Variants in ZNF385D observed in about 807,000 individuals in gnomAD.
ZNF385D encodes zinc finger protein 385D, also known as zinc finger protein 659.
A neutral mutation model predicts 35.8 loss-of-function variants in ZNF385D; 15 were observed. The observed-to-expected ratio is 0.42, with a 90% CI of 0.28 to 0.64. ZNF385D has a LOEUF of 0.64. Among genes scored for constraint, ZNF385D ranks in the 30% least tolerant of loss-of-function variants. ZNF385D has a pLI of 0.23. For missense variants in ZNF385D, 474 were observed against 494.6 expected, an observed-to-expected ratio of 0.96 and a Z score of 0.39; for synonymous variants, 212 against 186.8, an observed-to-expected ratio of 1.13 and a Z score of -1.10.
intron 3 of ZNF385D, among the ~76,000 whole-genome samples, chr3:21,966,408 G>C (rs1169964377): frequency 1.3e-5 from 2 of 152,198 alleles, no homozygotes; most frequent in African/African-American, 4.8e-5. Flanking sequence ...GGCTGGTAAA[G>C]ACGCATTTGT....
chr3:21,443,053 C>T (rs1701948878), intron 4 of ZNF385D: 1 of 877,896 alleles, frequency 1.1e-6, no homozygotes, highest in Non-Finnish European at 1.4e-6. Context: ...GCTCTGAATT[C>T]CTCACTCCCG....
At chr3:21,608,790 G>C (rs2064575493) in intron 2 of ZNF385D, among the ~76,000 whole-genome samples, 1 of 152,158 alleles carries the variant, frequency 6.6e-6, no homozygotes, top group Non-Finnish European at 1.5e-5. Flanking sequence ...TCCCAATCCA[G>C]TTGTGAAATA....
In ZNF385D at chr3:22,364,536, A is replaced by G. The variant is rs185575707; in HGVS notation, c.106+7914T>C. Among the ~76,000 whole-genome samples, 280 of 152,238 alleles carry G rather than the reference A, an allele frequency of 1.8e-3. 5 individuals carry two copies. The South Asian group carries it at 0.032, about 17-fold the overall frequency. On this transcript the variant is annotated intron_variant, in intron 2 of 5. Coordinates refer to the ZNF385D transcript ENST00000494108. ...CTAATCATTAGGAAAATATAAATCA[A>G]AACTACAATTAGATACCACTTCACC...
chr3:22,088,563 G>T (rs1701163205), intron 3 of ZNF385D, among the ~76,000 whole-genome samples: 1 of 152,154 alleles, frequency 6.6e-6, no homozygotes, highest in South Asian at 2.1e-4. Flanking sequence ...GTACTCCTGA[G>T]TATGGACACC....
chr3:22,295,581 A>G (rs1702528907), intron 2 of ZNF385D, among the ~76,000 whole-genome samples: 1 of 152,180 alleles, frequency 6.6e-6, no homozygotes, highest in Non-Finnish European at 1.5e-5. Flanking sequence ...TAATGAAAAA[A>G]GTTTTTAATA....
chr3:21,558,870 A>T (rs975936071), intron 3 of ZNF385D, among the ~76,000 whole-genome samples: 1 of 152,056 alleles, frequency 6.6e-6, no homozygotes, highest in African/African-American at 2.4e-5. Context: ...ATATATATTT[A>T]GGATCGTTAG....
intron 5 of ZNF385D, among the ~76,000 whole-genome samples, chr3:21,427,343 T>C (rs1029016733): frequency 1.3e-5 from 2 of 152,222 alleles, no homozygotes; most frequent in Admixed American, 6.5e-5. Flanking sequence ...TAGTTTAGTT[T>C]ATGAATGCCT....
At position 22,030,276 on chromosome 3, in the gene ZNF385D, T is replaced by TATATCCTATACAAATAACAAATAGG. The variant is rs1553591271; in HGVS notation, c.325+138540_325+138541insCCTATTTGTTATTTGTATAGGATAT. 2.4e-3 allele frequency among the ~76,000 whole-genome samples: 245 copies of TATATCCTATACAAATAACAAATAGG among 103,576 alleles called. 15 individuals carry two copies. The highest frequency in any genetic ancestry group is 8.8e-3 in the African/African-American group (222 of 25,336). 67.9% of individuals were successfully genotyped at this position (103,576 alleles called of 152,430 possible). On this transcript the variant is annotated intron_variant, in intron 3 of 5. Coordinates refer to the ZNF385D transcript ENST00000494108. The stretch of plus-strand genomic sequence containing the variant: ...TCATTCATATATATATATATATATA[T>TATATCCTATACAAATAACAAATAGG]ATATATATATATATATATATATATA...
upstream of ZNF385D, chr3:21,751,397 G>A: frequency 9.0e-6 from 9 of 1,001,502 alleles, no homozygotes; most frequent in South Asian, 1.7e-4. Flanking sequence ...AAGAGTGTCG[G>A]GATCCACACA....
At chr3:22,084,293 G>A (rs946371450) in intron 3 of ZNF385D, among the ~76,000 whole-genome samples, 1 of 152,052 alleles carries the variant, frequency 6.6e-6, no homozygotes, top group East Asian at 1.9e-4. Context: ...TGGCAAATTG[G>A]ATAGAGTCAA....
rs562374872 is a variant in ZNF385D at position 22,207,184 on chromosome 3, A to G, written c.107-38149T>C. Among the ~76,000 whole-genome samples, 59 of 152,062 alleles carry G rather than the reference A, an allele frequency of 3.9e-4. 1 individual carries two copies. The highest frequency in any genetic ancestry group is 2.6e-4 in the Admixed American group (4 of 15,226). ...ATGGATTAATTTCTAGACACATACAACCTACCAAGATTGTATGCAGTAGGT... is the reference window on the plus strand; with the variant it reads ...ATGGATTAATTTCTAGACACATACAGCCTACCAAGATTGTATGCAGTAGGT... On this transcript the variant is annotated intron_variant, in intron 2 of 5. Transcript: ENST00000494108.
intron 2 of ZNF385D, among the ~76,000 whole-genome samples, chr3:21,576,468 T>C (rs2063500052): frequency 6.6e-6 from 1 of 152,246 alleles, no homozygotes; most frequent in Admixed American, 6.5e-5. Flanking sequence ...ATTTATGTGC[T>C]CATGCAAATT....
chr3:22,320,041 C>T (rs1694333557), intron 2 of ZNF385D, among the ~76,000 whole-genome samples: 1 of 151,792 alleles, frequency 6.6e-6, no homozygotes, highest in Non-Finnish European at 1.5e-5. Context: ...TCCTGAATTT[C>T]ACAAAACACA....
chr3:21,839,889 C>T (rs1695558469), intron 3 of ZNF385D, among the ~76,000 whole-genome samples: 1 of 152,162 alleles, frequency 6.6e-6, no homozygotes, highest in Admixed American at 6.6e-5. Flanking sequence ...TTGCCTCCCA[C>T]TGTGCACCTA....
intron 2 of ZNF385D, 148 bp downstream of exon 2, chr3:21,664,738 G>T: frequency 1.8e-6 from 2 of 1,097,472 alleles, no homozygotes; most frequent in South Asian, 1.5e-5. Flanking sequence ...GCCTAACCAA[G>T]CAAACAACTA....
Position 21,662,440 on chromosome 3 carries a change from C to T in ZNF385D, c.165+2446G>A, listed in dbSNP as rs1189282899. ...TCCCTCCAGCCTGATGAAATGGGCT[C>T]TCTTGAATGAGAAATAAAGTCAATT... On this transcript the variant is annotated intron_variant, in intron 2 of 7. Transcript: ENST00000281523. 2.6e-5 allele frequency among the ~76,000 whole-genome samples: 4 copies of T among 152,156 alleles called. No homozygotes were observed. The South Asian group carries it at 6.2e-4, about 24-fold the overall frequency.
intron 3 of ZNF385D, among the ~76,000 whole-genome samples, chr3:21,781,318 C>T (rs4610241): frequency 5.9e-5 from 9 of 151,954 alleles, no homozygotes; most frequent in Non-Finnish European, 1.2e-4. Flanking sequence ...AACCTCTTGC[C>T]TATGTAGGAC....
intron 3 of ZNF385D, among the ~76,000 whole-genome samples, chr3:21,800,919 C>T (rs936968515): frequency 9.9e-5 from 15 of 151,784 alleles, no homozygotes; most frequent in African/African-American, 3.4e-4. Flanking sequence ...CCTTTTTGTT[C>T]CTGATTTTAG....
intron 3 of ZNF385D, among the ~76,000 whole-genome samples, chr3:21,877,435 T>A (rs2125857370): frequency 6.6e-6 from 1 of 152,092 alleles, no homozygotes; most frequent in Non-Finnish European, 1.5e-5. Flanking sequence ...CCCAGAAACG[T>A]GTTAGATTAG....
Sources: gnomAD v4.1 joint callset for allele counts (sites outside exome capture counted in the v4.1 genomes callset) on GRCh38, gnomAD v4.1.1 for gene constraint, MANE v1.5 for transcripts, NCBI Gene and HGNC (gene_info 2026-07-23, HGNC 2026-07-21) for gene names.